NALCN: variants seen among roughly 807,000 people sequenced by gnomAD.
NALCN encodes the protein sodium leak channel NALCN.
A neutral mutation model predicts 225.3 loss-of-function variants in NALCN; 111 were observed. The ratio of observed to expected loss-of-function variants is 0.49; its 90% CI spans 0.42 to 0.58. NALCN has a LOEUF of 0.58. Ranked by LOEUF, NALCN falls within the 20% of genes least tolerant of loss-of-function variation. The probability of loss-of-function intolerance (pLI) is 0.00; values close to 1 mark genes in which losing one functional copy is unlikely to be tolerated. For synonymous variants in NALCN, 764 were observed against 769.0 expected (o/e 0.99, Z 0.11); for missense variants, 1,378 against 2,202.4 (o/e 0.63, Z 7.49).
chr13:101,384,490 C>G (rs181537080), intron 3 of NALCN, among the ~76,000 whole-genome samples: 1 of 152,212 alleles, frequency 6.6e-6, no homozygotes, highest in Admixed American at 6.5e-5. Context: ...TTTGCAGTGA[C>G]AAAATGATAT....
intron 37 of NALCN, among the ~76,000 whole-genome samples, chr13:101,069,557 C>T (rs1007503894): frequency 5.3e-5 from 8 of 152,084 alleles, no homozygotes; most frequent in South Asian, 2.1e-4. Context: ...GTGGCTGTGG[C>T]GATTTCTTAA....
At chr13:101,216,658 ACACT>A (rs1274363422) in intron 13 of NALCN, among the ~76,000 whole-genome samples, 6 of 152,156 alleles carry the variant, frequency 3.9e-5, no homozygotes, top group African/African-American at 9.6e-5. Context: ...AAAATGTCAC[ACACT>A]CTCACTACAT....
At chr13:101,112,317 G>A (rs548339457) in intron 18 of NALCN, among the ~76,000 whole-genome samples, 1 of 152,030 alleles carries the variant, frequency 6.6e-6, no homozygotes, top group African/African-American at 2.4e-5. Context: ...TTAAAAACAT[G>A]TTCTTTTTGG....
At chr13:101,139,312 C>T (rs1261850104) in intron 17 of NALCN, among the ~76,000 whole-genome samples, 2 of 152,128 alleles carry the variant, frequency 1.3e-5, no homozygotes, top group African/African-American at 2.4e-5. Flanking sequence ...AAACCCCAGC[C>T]CCCTTCTGGG....
At position 101,376,687 on chromosome 13, in the gene NALCN, T is replaced by G; in HGVS notation, c.644+13A>C. On this transcript the variant is annotated intron_variant, in intron 6 of 43. Transcript: ENST00000251127. ...ATCAACTAGATTAAAATGCAGTTAA[T>G]AGATAAACTTACCCTGGCTTTGTGT... 6.3e-7 allele frequency: 1 copy of G among 1,586,852 alleles called. No individual in the cohort carries two copies. Among genetic ancestry groups the G allele is most frequent in the Non-Finnish European group, 8.5e-7 (1 of 1,172,652 alleles).
intron 17 of NALCN, among the ~76,000 whole-genome samples, chr13:101,130,713 T>A (rs2036475985): frequency 6.6e-6 from 1 of 152,244 alleles, no homozygotes; most frequent in African/African-American, 2.4e-5. Flanking sequence ...AAAAATCTCA[T>A]GATAATCTAA....
chr13:101,375,606 A>G (rs562056251), intron 6 of NALCN, among the ~76,000 whole-genome samples: 49 of 152,318 alleles, frequency 3.2e-4, no homozygotes, highest in Middle Eastern at 3.4e-3. Context: ...TTGAAGATGA[A>G]TGGCTGCTTG....
chr13:101,374,006 T>G (rs2046613841), intron 6 of NALCN, among the ~76,000 whole-genome samples: 1 of 152,114 alleles, frequency 6.6e-6, no homozygotes, highest in African/African-American at 2.4e-5. Context: ...GGGAAAATAA[T>G]AATATGTCCA....
At chr13:101,138,489 T>C (rs1470283874) in intron 17 of NALCN, among the ~76,000 whole-genome samples, 2 of 152,246 alleles carry the variant, frequency 1.3e-5, no homozygotes, top group African/African-American at 4.8e-5. Flanking sequence ...TTCATTATTA[T>C]GTGGGCTCTG....
At chr13:101,295,732 T>C (rs1160207906) in intron 7 of NALCN, among the ~76,000 whole-genome samples, 2 of 152,162 alleles carry the variant, frequency 1.3e-5, no homozygotes, top group Non-Finnish European at 2.9e-5. Flanking sequence ...GAAAGAAATG[T>C]TTCCCATACG....
In NALCN at chr13:101,083,819, G is replaced by A. The variant is rs775696742; in HGVS notation, c.3490-15C>T. On this transcript the variant is annotated splice_polypyrimidine_tract_variant and intron_variant, in intron 30 of 43. Coordinates refer to ENST00000251127, the MANE Select transcript of NALCN (RefSeq NM_052867.4). The stretch of plus-strand genomic sequence containing the variant: ...AAAGCCGTCCCCTTAACAGACAAAA[G>A]AAAGCAGGAAAAGGCCTTTTGTCAT... The A allele has an allele frequency of 3.2e-5, 52 of 1,611,342 alleles. No homozygotes were observed. In the South Asian group the frequency reaches 5.7e-4, roughly 18 times the overall value.
At chr13:101,198,543 C>T (rs1326359356) in intron 13 of NALCN, among the ~76,000 whole-genome samples, 1 of 152,164 alleles carries the variant, frequency 6.6e-6, no homozygotes, top group Non-Finnish European at 1.5e-5. Flanking sequence ...TGAAAAAATG[C>T]TCATCATCAC....
chr13:101,115,993 G>C (rs1456241604), intron 18 of NALCN, among the ~76,000 whole-genome samples: 1 of 152,108 alleles, frequency 6.6e-6, no homozygotes, highest in East Asian at 1.9e-4. Flanking sequence ...GTCTGGGTGA[G>C]GAAATTCTTC....
At chr13:101,377,752 C>CA (rs1178077355) in intron 4 of NALCN, among the ~76,000 whole-genome samples, 2 of 152,024 alleles carry the variant, frequency 1.3e-5, no homozygotes, top group African/African-American at 4.8e-5. Context: ...CTACAGTTAA[C>CA]AATAATTTAT....
intron 6 of NALCN, among the ~76,000 whole-genome samples, chr13:101,350,822 A>G (rs1371763011): frequency 6.6e-6 from 1 of 152,116 alleles, no homozygotes; most frequent in African/African-American, 2.4e-5. Context: ...CTGCAGGGAG[A>G]GGTCACTGGC....
At chr13:101,211,441 GA>G (rs1366950630) in intron 13 of NALCN, among the ~76,000 whole-genome samples, 1 of 151,758 alleles carries the variant, frequency 6.6e-6, no homozygotes, top group African/African-American at 2.4e-5. Flanking sequence ...ACAACAGCAG[GA>G]AAAGATGGCC....
At chr13:101,293,582 AGAAT>A (rs2043627595) in intron 7 of NALCN, among the ~76,000 whole-genome samples, 1 of 152,246 alleles carries the variant, frequency 6.6e-6, no homozygotes, top group Non-Finnish European at 1.5e-5. Flanking sequence ...AATTTAAACT[AGAAT>A]GTGCATATGA....
chr13:101,377,710 A>G (rs1270238739), intron 4 of NALCN, among the ~76,000 whole-genome samples: 2 of 152,174 alleles, frequency 1.3e-5, no homozygotes, highest in African/African-American at 4.8e-5. Flanking sequence ...AGAATAGATG[A>G]TTGAACTCTA....
In NALCN at chr13:101,281,687, G is replaced by C. The variant is rs530942358; in HGVS notation, c.1134+2246C>G. ...TAACTAACAATAAACAAAATGAAAA[G>C]GCAGTCTATGGAACAGGGGAAAATT... On this transcript the variant is annotated intron_variant, in intron 10 of 43. Transcript: ENST00000251127. 3.3e-5 allele frequency among the ~76,000 whole-genome samples: 5 copies of C among 152,186 alleles called. No homozygotes were observed. In the East Asian group the frequency reaches 9.7e-4, roughly 29 times the overall value.
Sources: gnomAD v4.1 joint callset for allele counts (sites outside exome capture counted in the v4.1 genomes callset) on GRCh38, gnomAD v4.1.1 for gene constraint, MANE v1.5 for transcripts, NCBI Gene and HGNC (gene_info 2026-07-23, HGNC 2026-07-21) for gene names.